ADAM28: variants seen among roughly 807,000 people sequenced by gnomAD.
ADAM28 encodes ADAM metallopeptidase domain 28.
In ADAM28, 105 loss-of-function variants were observed where a neutral mutation model predicts 101.2. That is an observed-to-expected ratio of 1.04 (90% CI 0.89 to 1.22). The LOEUF (loss-of-function observed/expected upper bound fraction) is 1.22. Ranked by LOEUF, ADAM28 falls within the 50% of genes most tolerant of loss-of-function variation. ADAM28 has a pLI of 0.00. For missense variants in ADAM28, 1,028 were observed against 945.4 expected (o/e 1.09, Z -1.15); for synonymous variants, 322 against 310.6 (o/e 1.04, Z -0.39).
intron 22 of ADAM28, 92 bp downstream of exon 22, chr8:24,353,924 A>G: frequency 1.2e-6 from 1 of 865,068 alleles, no homozygotes; most frequent in Non-Finnish European, 1.8e-6. Context: ...AAAAAAACTT[A>G]CTAAGAACAG....
At chr8:24,351,149 A>C in intron 19 of ADAM28, 83 bp from the exon 20 acceptor site, 1 of 1,161,614 alleles carries the variant, frequency 8.6e-7, no homozygotes, top group Non-Finnish European at 1.2e-6. Flanking sequence ...TGGGAAAAAG[A>C]AGTTGGGAAT....
At chr8:24,326,474 T>G in intron 9 of ADAM28, 80 bp from the exon 10 acceptor site, 7 of 1,315,428 alleles carry the variant, frequency 5.3e-6, no homozygotes, top group Non-Finnish European at 7.5e-6. Flanking sequence ...CTGCTAACCA[T>G]TTAGGGTTTT....
At chr8:24,334,020 T>C (rs1471977337) in intron 13 of ADAM28, among the ~76,000 whole-genome samples, 2 of 152,154 alleles carry the variant, frequency 1.3e-5, no homozygotes, top group Non-Finnish European at 2.9e-5. Context: ...TTGTTTTTAA[T>C]GTCAGAGAGA....
chr8:24,326,334 A>C (rs961183133), intron 9 of ADAM28, among the ~76,000 whole-genome samples: 8 of 152,016 alleles, frequency 5.3e-5, no homozygotes, highest in African/African-American at 1.7e-4. Context: ...AAATGATAGA[A>C]AATATTCAAC....
Position 24,343,515 on chromosome 8 carries a change from C to T in ADAM28, c.1921C>T (p.His641Tyr), listed in dbSNP as rs753877538. Residue 641 changes from histidine to tyrosine, a missense_variant, in exon 18 of 23, where the codon CAT (histidine) becomes TAT (tyrosine). Physicochemically the swap from His to Tyr is moderately conservative, Grantham distance 83 (BLOSUM62 2). Transcript: ENST00000265769. ...SKCKGHAVCD[H>Y]ELQCQCEEGW... ...ATCATTGCTCCCCTAGGTGTGTGAC[C>T]ATGAGCTCCAGTGTCAATGTGAGGA... 1.1e-5 allele frequency: 18 copies of T among 1,613,740 alleles called. No individual in the cohort carries two copies. Among genetic ancestry groups the T allele is most frequent in the Admixed American group, 1.7e-5 (1 of 59,978 alleles).
chr8:24,342,825 C>A, intron 16 of ADAM28: 1 of 386,056 alleles, frequency 2.6e-6, no homozygotes, highest in Non-Finnish European at 4.6e-6. Context: ...TATTGCTTAT[C>A]CCTTAACTTC....
rs151133749 is a variant in ADAM28, at chr8:24,330,062, C to T, written c.1050C>T (p.Asp350=). 1.8e-3 allele frequency: 2,974 copies of T among 1,613,632 alleles called. 9 individuals carry two copies. The highest frequency in any genetic ancestry group is 2.3e-3 in the Non-Finnish European group (2,699 of 1,179,744). The change falls in exon 11 of 23, where the codon GAC becomes GAT. Residue 350 remains aspartate (D), a synonymous_variant. Transcript: ENST00000265769. ...EMGHNFGMFH[D]DYSCKCPSTI... is the part of the protein sequence containing the mutation. ...GCCACAACTTTGGAATGTTTCATGACGACTATTCTTGCAAGTGTCCTTCTA... is the reference window on the plus strand; with the variant it reads ...GCCACAACTTTGGAATGTTTCATGATGACTATTCTTGCAAGTGTCCTTCTA...
intron 9 of ADAM28, among the ~76,000 whole-genome samples, chr8:24,326,167 T>C (rs1334414913): frequency 1.3e-5 from 2 of 151,912 alleles, no homozygotes; most frequent in African/African-American, 4.8e-5. Flanking sequence ...AAGTATGTGA[T>C]ATAAAAATAT....
chr8:24,300,447 C>T (rs565496515), intron 2 of ADAM28, among the ~76,000 whole-genome samples: 23 of 152,044 alleles, frequency 1.5e-4, no homozygotes, highest in African/African-American at 4.6e-4. Flanking sequence ...GACAGAGTCT[C>T]GCTCTGTCGC....
chr8:24,317,439 T>C (rs1250784420), intron 6 of ADAM28, among the ~76,000 whole-genome samples: 3 of 152,124 alleles, frequency 2.0e-5, no homozygotes, highest in East Asian at 3.9e-4. Flanking sequence ...GGGGAAAGGA[T>C]AGTCTCTTCA....
At chr8:24,311,228 T>C in intron 4 of ADAM28, 133 bp from the exon 5 acceptor site, 1 of 588,568 alleles carries the variant, frequency 1.7e-6, no homozygotes, top group South Asian at 2.9e-5. Flanking sequence ...TTTTTAAACA[T>C]CTTAGTTTAC....
intron 7 of ADAM28, among the ~76,000 whole-genome samples, chr8:24,320,810 G>A (rs1811767279): frequency 6.6e-6 from 1 of 151,956 alleles, no homozygotes; most frequent in African/African-American, 2.4e-5. Context: ...ACATGTGTAT[G>A]AAAATATAAG....
intron 9 of ADAM28, among the ~76,000 whole-genome samples, 165 bp from the exon 10 acceptor site, chr8:24,326,389 T>C (rs1812621381): frequency 6.6e-6 from 1 of 152,048 alleles, no homozygotes; most frequent in African/African-American, 2.4e-5. Flanking sequence ...ACAAAAGCCA[T>C]TCTATAGAAA....
intron 20 of ADAM28, chr8:24,351,565 T>C (rs1374475685): frequency 3.7e-6 from 2 of 544,716 alleles, no homozygotes; most frequent in East Asian, 3.3e-5. Flanking sequence ...GTCTCTCTCT[T>C]TGTCTCTGCT....
At chr8:24,297,017 A>G (rs947171587) in intron 1 of ADAM28, among the ~76,000 whole-genome samples, 1 of 152,196 alleles carries the variant, frequency 6.6e-6, no homozygotes, top group Non-Finnish European at 1.5e-5. Flanking sequence ...TTTCCAGAAA[A>G]TAAGAGCCTT....
intron 2 of ADAM28, among the ~76,000 whole-genome samples, chr8:24,301,467 A>AAAT (rs1808762937): frequency 6.6e-6 from 1 of 152,202 alleles, no homozygotes; most frequent in Non-Finnish European, 1.5e-5. Context: ...CCCTGAATCT[A>AAAT]AAATAAAAGT....
Position 24,331,252 on chromosome 8 carries a change from A to C in ADAM28, c.1206A>C (p.Thr402=), listed in dbSNP as rs755294620. 6.2e-7 allele frequency: 1 copy of C among 1,613,204 alleles called. No homozygotes were observed. The highest frequency in any genetic ancestry group is 1.1e-5 in the South Asian group (1 of 90,868). The change falls in exon 12 of 23, where the codon ACA becomes ACC. Residue 402 remains threonine, a synonymous_variant. Transcript: ENST00000265769. ...SNCLFNAPLP[T]DIISTPICGN... ...GCCTCTTTAATGCTCCATTGCCTAC[A>C]GATATCATATCCACTCCAATTTGTG... is the stretch of plus-strand genomic sequence containing the variant.
At chr8:24,309,432 G>A (rs962579539) in intron 2 of ADAM28, among the ~76,000 whole-genome samples, 2 of 152,094 alleles carry the variant, frequency 1.3e-5, no homozygotes, top group Non-Finnish European at 2.9e-5. Context: ...TAATTTATGT[G>A]TCGTTTTAAA....
intron 18 of ADAM28, among the ~76,000 whole-genome samples, chr8:24,346,773 C>T (rs763437835): frequency 1.2e-4 from 19 of 152,086 alleles, no homozygotes; most frequent in Non-Finnish European, 2.6e-4. Context: ...TCTTTTCAGT[C>T]TGATCTCCCC....
Sources: allele counts gnomAD v4.1 joint callset (sites outside exome capture counted in the v4.1 genomes callset), GRCh38; gene constraint gnomAD v4.1.1; transcripts MANE v1.5; gene names NCBI Gene and HGNC (gene_info 2026-07-23, HGNC 2026-07-21).